NF1: variants seen among roughly 807,000 people sequenced by gnomAD.
NF1 encodes the protein neurofibromin.
A neutral mutation model predicts 325.7 loss-of-function variants in NF1; 122 were observed. That is an observed-to-expected ratio of 0.37 (90% CI 0.32 to 0.44). The LOEUF (loss-of-function observed/expected upper bound fraction) is 0.44. Among genes scored for constraint, NF1 ranks in the 20% least tolerant of loss-of-function variants. NF1 has a pLI of 1.00. For missense variants in NF1, 2,140 were observed against 3,415.4 expected (o/e 0.63, Z 9.31); for synonymous variants, 1,091 against 1,186.0 (o/e 0.92, Z 1.65).
rs961777675 is a variant in NF1, at chr17:31,257,188, G to A, written c.4174-1156G>A. 8.5e-5 allele frequency among the ~76,000 whole-genome samples: 13 copies of A among 152,076 alleles called. No individual in the cohort carries two copies. In the South Asian group the frequency reaches 1.7e-3, roughly 19 times the overall value. ...GAAAAAAATAGCTACGTGATATTCCGCATGTAAATCTGGGTCCCCTCCCAC... is the reference window on the plus strand; with the variant it reads ...GAAAAAAATAGCTACGTGATATTCCACATGTAAATCTGGGTCCCCTCCCAC... On this transcript the variant is annotated intron_variant, in intron 31 of 57. Transcript: ENST00000358273.
chr17:31,094,983 G>A lies in NF1; in HGVS notation c.-327G>A, dbSNP rs1041731888. ...GGGCCGTGGAAAGGATCCCACTTCC[G>A]GTGGGGTGTCATGGCGGCGTCTCGG... On this transcript the variant is annotated 5_prime_UTR_variant, in exon 1 of 58. Transcript: ENST00000358273. 1 of 531,658 alleles carries A rather than the reference G, an allele frequency of 1.9e-6. No homozygotes were observed. Among genetic ancestry groups the A allele is most frequent in the Non-Finnish European group, 3.3e-6 (1 of 299,564 alleles). 32.9% of individuals were successfully genotyped at this position (531,658 alleles called of 1,614,324 possible). A position where few individuals can be genotyped will look rare whatever the true frequency, so the allele number is the denominator to read the frequency against.
In NF1 at chr17:31,221,838, T is replaced by A. The variant is rs2066926774; in HGVS notation, c.1642-12T>A. The stretch of plus-strand genomic sequence containing the variant: ...GTCTTCTCTTTGTCTTTCTCTTTTT[T>A]AAAAAATTCAGGCTCTGCTGGTTCT... On this transcript the variant is annotated splice_polypyrimidine_tract_variant and intron_variant, in intron 14 of 57. Coordinates refer to ENST00000358273, the MANE Select transcript of NF1 (RefSeq NM_001042492.3). 8 of 1,591,194 alleles carry A rather than the reference T, an allele frequency of 5.0e-6. No homozygotes were observed. The highest frequency in any genetic ancestry group is 2.2e-5 in the East Asian group (1 of 44,636).
intron 51 of NF1, among the ~76,000 whole-genome samples, chr17:31,353,415 C>G (rs2070201319): frequency 1.3e-5 from 2 of 152,110 alleles, no homozygotes; most frequent in Admixed American, 6.5e-5. Context: ...GAGGATTGCT[C>G]GAGTCCAGGA....
intron 55 of NF1, 67 bp from the exon 56 acceptor site, chr17:31,358,900 CTT>C: frequency 4.4e-6 from 6 of 1,362,706 alleles, no homozygotes; most frequent in East Asian, 2.3e-5. Context: ...AGCTATATGA[CTT>C]ATTTAATTTC....
intron 36 of NF1, chr17:31,319,129 A>G: frequency 8.5e-7 from 1 of 1,183,340 alleles, no homozygotes; most frequent in Non-Finnish European, 1.2e-6. Context: ...GTAAACTACA[A>G]GCTTATGCCT....
In NF1 at chr17:31,232,983, A is replaced by G. The variant is rs760615401; in HGVS notation, c.3497-19A>G. On this transcript the variant is annotated intron_variant, in intron 26 of 57. Transcript: ENST00000358273. Reference sequence around the variant, plus strand: ...AGCAAGGCCATGTTAGTAAATTTGCATCTGTTTGTCCACATTAGGCTTAGG... The same window carrying G: ...AGCAAGGCCATGTTAGTAAATTTGCGTCTGTTTGTCCACATTAGGCTTAGG... The G allele has an allele frequency of 6.2e-7, 1 of 1,614,136 alleles. No homozygotes were observed. Among genetic ancestry groups the G allele is most frequent in the Non-Finnish European group, 8.5e-7 (1 of 1,179,940 alleles).
chr17:31,297,139 T>C (rs1456103050), intron 36 of NF1: 1 of 152,210 alleles, frequency 6.6e-6, no homozygotes. Context: ...CTTTTACTGA[T>C]TTAAATAACA....
intron 48 of NF1, among the ~76,000 whole-genome samples, chr17:31,346,854 C>T (rs1234780797): frequency 7.7e-6 from 1 of 129,788 alleles, no homozygotes; most frequent in Non-Finnish European, 1.6e-5. Flanking sequence ...TCTGTTTTCA[C>T]TCTTAGGCTT....
chr17:31,322,534 A>AAAAAAAAAAAAC (rs2069236283), intron 36 of NF1, among the ~76,000 whole-genome samples: 1 of 119,396 alleles, frequency 8.4e-6, no homozygotes, highest in Non-Finnish European at 1.9e-5. Context: ...AAAAAAAAAA[A>AAAAAAAAAAAAC]AAGAACTGGA....
chr17:31,203,040 T>C (rs549304605), intron 11 of NF1, among the ~76,000 whole-genome samples: 1 of 152,360 alleles, frequency 6.6e-6, no homozygotes, highest in South Asian at 2.1e-4. Flanking sequence ...ATATACTTTT[T>C]TGATACTTTG....
intron 36 of NF1, among the ~76,000 whole-genome samples, chr17:31,301,848 T>C (rs972222113): frequency 6.6e-6 from 1 of 152,222 alleles, no homozygotes; most frequent in East Asian, 1.9e-4. Context: ...GCACCACTAG[T>C]ATGTGGTGTG....
At chr17:31,226,015 C>G (rs2067005953) in intron 17 of NF1, among the ~76,000 whole-genome samples, 1 of 152,042 alleles carries the variant, frequency 6.6e-6, no homozygotes, top group African/African-American at 2.4e-5. Flanking sequence ...TATTACTTCC[C>G]TATAGCAAGT....
intron 8 of NF1, among the ~76,000 whole-genome samples, chr17:31,189,366 T>C (rs1187874934): frequency 2.0e-5 from 3 of 152,190 alleles, no homozygotes; most frequent in Non-Finnish European, 4.4e-5. Context: ...CCAGAAGATA[T>C]TATTCATTTT....
At chr17:31,246,034 T>C (rs1256045664) in intron 29 of NF1, among the ~76,000 whole-genome samples, 1 of 152,178 alleles carries the variant, frequency 6.6e-6, no homozygotes, top group Non-Finnish European at 1.5e-5. Context: ...TTAAGAGCAA[T>C]GTATCAGGAA....
At chr17:31,125,419 T>C (rs1914797125) in intron 1 of NF1, among the ~76,000 whole-genome samples, 1 of 152,120 alleles carries the variant, frequency 6.6e-6, no homozygotes, top group Non-Finnish European at 1.5e-5. Flanking sequence ...TTCATGTCTT[T>C]TGTGCACATG....
chr17:31,294,903 T>C, intron 36 of NF1: 2 of 1,464,908 alleles, frequency 1.4e-6, no homozygotes, highest in Non-Finnish European at 1.9e-6. Context: ...AGACTGGCTT[T>C]CTTGAATACT....
At chr17:31,202,007 A>G (rs1812643245) in intron 11 of NF1, among the ~76,000 whole-genome samples, 1 of 152,202 alleles carries the variant, frequency 6.6e-6, no homozygotes, top group South Asian at 2.1e-4. Context: ...AAACAAAATG[A>G]AATATTAACA....
chr17:31,295,205 G>C, intron 36 of NF1: 2 of 1,614,164 alleles, frequency 1.2e-6, no homozygotes, highest in Non-Finnish European at 1.7e-6. Context: ...GGTCATGGGT[G>C]TTGGGGATGA....
chr17:31,365,107 G>A (rs746714857), intron 57 of NF1, among the ~76,000 whole-genome samples: 7 of 151,730 alleles, frequency 4.6e-5, no homozygotes, highest in East Asian at 1.9e-4. Context: ...GCAACATGAC[G>A]AAATCCCATC....
Sources: gnomAD v4.1 joint callset for allele counts (sites outside exome capture counted in the v4.1 genomes callset) on GRCh38, gnomAD v4.1.1 for gene constraint, MANE v1.5 for transcripts, NCBI Gene and HGNC (gene_info 2026-07-23, HGNC 2026-07-21) for gene names.